Variants in ZFPM2 observed in about 807,000 individuals in gnomAD.
ZFPM2 encodes the protein zinc finger protein, FOG family member 2.
In ZFPM2, 20 loss-of-function variants were observed where a neutral mutation model predicts 98.6. That is an observed-to-expected ratio of 0.20 (90% confidence interval 0.14 to 0.29). The LOEUF is 0.29. Among genes scored for constraint, ZFPM2 ranks in the 10% least tolerant of loss-of-function variants. The probability of loss-of-function intolerance (pLI) is 1.00; values close to 1 mark genes in which losing one functional copy is unlikely to be tolerated. For synonymous variants in ZFPM2, 518 were observed against 502.7 expected (o/e 1.03, Z -0.41); for missense variants, 1,310 against 1,388.6 (o/e 0.94, Z 0.90).
At position 105,739,690 on chromosome 8, in the gene ZFPM2, T is replaced by G. The variant is rs562424997; in HGVS notation, c.533-49028T>G. Among the ~76,000 whole-genome samples, 3 of 152,108 alleles carry G rather than the reference T, an allele frequency of 2.0e-5. 1 individual carries two copies. Among genetic ancestry groups the G allele is most frequent in the African/African-American group, 7.2e-5 (3 of 41,554 alleles). ...CCTTTCATTGCTCCTATATAAACAT[T>G]AAAGGCACTTCGCAGCTATAGTTTT... On this transcript the variant is annotated intron_variant, in intron 5 of 7. Coordinates refer to ENST00000407775, the MANE Select transcript of ZFPM2 (RefSeq NM_012082.4).
At chr8:105,788,987 T>G in intron 6 of ZFPM2, 63 bp downstream of exon 6, 1 of 1,381,456 alleles carries the variant, frequency 7.2e-7, no homozygotes, top group Non-Finnish European at 9.8e-7. Flanking sequence ...GAGAAAAAAA[T>G]GTCTACTGAC....
At chr8:105,705,935 A>G (rs963997342) in intron 5 of ZFPM2, among the ~76,000 whole-genome samples, 7 of 152,196 alleles carry the variant, frequency 4.6e-5, no homozygotes, top group Admixed American at 4.6e-4. Context: ...ATGTGGAATA[A>G]GTTACCCCAA....
chr8:105,502,440 A>G (rs1813614551), intron 3 of ZFPM2, among the ~76,000 whole-genome samples: 1 of 152,188 alleles, frequency 6.6e-6, no homozygotes, highest in Admixed American at 6.5e-5. Context: ...AGGTCAGGAA[A>G]AAAGTCACCA....
chr8:105,612,241 G>GCATCTTA (rs1816322453), intron 4 of ZFPM2, among the ~76,000 whole-genome samples: 1 of 151,956 alleles, frequency 6.6e-6, no homozygotes, highest in Non-Finnish European at 1.5e-5. Context: ...AAATAAACTA[G>GCATCTTA]AATATTCTAT....
At chr8:105,715,343 A>G (rs1360701293) in intron 5 of ZFPM2, among the ~76,000 whole-genome samples, 1 of 151,208 alleles carries the variant, frequency 6.6e-6, no homozygotes, top group African/African-American at 2.4e-5. Context: ...AAGGTCACAG[A>G]GAGCTGCGAT....
chr8:105,386,503 G>A (rs1005955660), intron 1 of ZFPM2, among the ~76,000 whole-genome samples: 4 of 152,036 alleles, frequency 2.6e-5, no homozygotes, highest in Non-Finnish European at 1.5e-5. Flanking sequence ...TCCTTCTGAT[G>A]TTTGGATGTG....
chr8:105,326,837 A>T (rs1312992727), intron 1 of ZFPM2, among the ~76,000 whole-genome samples: 1 of 149,084 alleles, frequency 6.7e-6, no homozygotes, highest in African/African-American at 2.5e-5. Context: ...TATCATAAAC[A>T]ACTCATAAAT....
intron 3 of ZFPM2, among the ~76,000 whole-genome samples, chr8:105,560,835 A>G (rs1815119360): frequency 1.3e-5 from 2 of 152,302 alleles, no homozygotes; most frequent in East Asian, 1.9e-4. Context: ...CAGAAAAACA[A>G]GTAAAAACTC....
At chr8:105,449,380 T>C (rs892881875) in intron 3 of ZFPM2, among the ~76,000 whole-genome samples, 1 of 152,064 alleles carries the variant, frequency 6.6e-6, no homozygotes, top group African/African-American at 2.4e-5. Flanking sequence ...ATTGAAATTC[T>C]TTGACACAAA....
At chr8:105,533,820 CCT>C (rs1563703866) in intron 3 of ZFPM2, among the ~76,000 whole-genome samples, 1 of 14,274 alleles carries the variant, frequency 7.0e-5, no homozygotes, top group African/African-American at 1.7e-3. Flanking sequence ...TCCCTCCCTC[CCT>C]CTTCCTCCCT....
intron 5 of ZFPM2, among the ~76,000 whole-genome samples, chr8:105,668,569 T>C (rs914046722): frequency 2.0e-5 from 3 of 152,192 alleles, no homozygotes; most frequent in African/African-American, 7.2e-5. Context: ...TTTTTAGAAT[T>C]ATAAGAATTG....
chr8:105,371,636 A>G (rs1287903815), intron 1 of ZFPM2, among the ~76,000 whole-genome samples: 1 of 152,228 alleles, frequency 6.6e-6, no homozygotes, highest in Non-Finnish European at 1.5e-5. Flanking sequence ...TTTGTAAATG[A>G]ACAGGAATTA....
At chr8:105,711,230 A>G (rs1244266640) in intron 5 of ZFPM2, among the ~76,000 whole-genome samples, 1 of 152,110 alleles carries the variant, frequency 6.6e-6, no homozygotes, top group African/African-American at 2.4e-5. Context: ...ATAGTTTGCC[A>G]AACTCTGCTC....
chr8:105,639,633 TG>T (rs1816912156), intron 5 of ZFPM2, among the ~76,000 whole-genome samples: 2 of 152,120 alleles, frequency 1.3e-5, no homozygotes, highest in Non-Finnish European at 2.9e-5. Context: ...GCAGGATTTT[TG>T]TGAAGCACCC....
At chr8:105,474,128 G>A (rs1193990567) in intron 3 of ZFPM2, among the ~76,000 whole-genome samples, 2 of 152,214 alleles carry the variant, frequency 1.3e-5, no homozygotes, top group Non-Finnish European at 2.9e-5. Flanking sequence ...ACTACTGGAT[G>A]TGCTCCCGAA....
chr8:105,618,910 C>T (rs1286265212), intron 4 of ZFPM2, among the ~76,000 whole-genome samples: 2 of 152,012 alleles, frequency 1.3e-5, no homozygotes, highest in African/African-American at 2.4e-5. Context: ...ACATATTCAT[C>T]TTGGTTATAT....
chr8:105,711,541 A>G (rs1337703570), intron 5 of ZFPM2, among the ~76,000 whole-genome samples: 8 of 152,060 alleles, frequency 5.3e-5, no homozygotes, highest in Non-Finnish European at 1.0e-4. Context: ...TAATTCCTAT[A>G]TATGAACTTG....
At chr8:105,603,682 T>C (rs35795362) in intron 4 of ZFPM2, among the ~76,000 whole-genome samples, 30,318 of 152,024 alleles carry the variant, frequency 0.2, 3,072 homozygotes, top group South Asian at 0.26. Context: ...CTAGCTGTAG[T>C]ACTCATTAGC....
At chr8:105,655,420 G>T (rs1430011213) in intron 5 of ZFPM2, among the ~76,000 whole-genome samples, 8 of 151,614 alleles carry the variant, frequency 5.3e-5, no homozygotes, top group African/African-American at 1.9e-4. Flanking sequence ...TAGTAGAGAC[G>T]GGGTTTCTCC....
Sources: allele counts gnomAD v4.1 joint callset (sites outside exome capture counted in the v4.1 genomes callset), GRCh38; gene constraint gnomAD v4.1.1; transcripts MANE v1.5; gene names NCBI Gene and HGNC (gene_info 2026-07-23, HGNC 2026-07-21).